The following NHLRC2 variants were observed in gnomAD, a reference collection of about 807,000 sequenced individuals.
NHLRC2 encodes the protein NHL repeat containing 2, also known as NHL repeat-containing protein 2.
Under a neutral mutation model 68.1 loss-of-function variants are expected in NHLRC2, and 33 were observed. The ratio of observed to expected loss-of-function variants is 0.48; its 90% CI spans 0.37 to 0.65. The LOEUF (loss-of-function observed/expected upper bound fraction) is 0.65, where lower values mean the gene tolerates loss of function less well. NHLRC2 is among the 30% of genes least tolerant of loss of function. NHLRC2 has a pLI of 0.00. For synonymous variants in NHLRC2, 311 were observed against 309.6 expected, an observed-to-expected ratio of 1.00 and a Z score of -0.05; for missense variants, 761 against 853.8, an observed-to-expected ratio of 0.89 and a Z score of 1.35.
intron 4 of NHLRC2, among the ~76,000 whole-genome samples, chr10:113,882,354 C>T (rs1012390056): frequency 2.6e-5 from 4 of 151,706 alleles, no homozygotes; most frequent in African/African-American, 4.8e-5. Flanking sequence ...ACATGTTCAC[C>T]GTCACTTGTT....
intron 3 of NHLRC2, 146 bp downstream of exon 3, chr10:113,877,122 GTTAA>G (rs1589539944): frequency 5.9e-6 from 3 of 508,978 alleles, no homozygotes; most frequent in South Asian, 7.1e-5. Context: ...AAAATTTTTT[GTTAA>G]TTAATATGAT....
Position 113,898,138 on chromosome 10 carries a change from A to C in NHLRC2, c.1068A>C (p.Leu356Phe). The C allele has an allele frequency of 6.2e-7, 1 of 1,612,262 alleles. No individual in the cohort carries two copies. Among genetic ancestry groups the C allele is most frequent in the Non-Finnish European group, 8.5e-7 (1 of 1,178,458 alleles). ...CAGAGGTCCAAAGAGGTGACATTTTATGGATAGCCATGGCAGGGACTCATC... is the reference window on the plus strand; with the variant it reads ...CAGAGGTCCAAAGAGGTGACATTTTCTGGATAGCCATGGCAGGGACTCATC... Reference protein sequence around the residue: ...SGSEVQRGDILWIAMAGTHQI... With the variant: ...SGSEVQRGDIFWIAMAGTHQI... The change falls in exon 6 of 11, where the codon TTA becomes TTC. Residue 356 changes from leucine (L) to phenylalanine (F), a missense_variant. Coordinates refer to ENST00000369301, the MANE Select transcript of NHLRC2 (RefSeq NM_198514.4).
At chr10:113,884,474 A>G in intron 5 of NHLRC2, 94 bp downstream of exon 5, 2 of 1,014,740 alleles carry the variant, frequency 2.0e-6, no homozygotes, top group Non-Finnish European at 2.9e-6. Context: ...TTCCATTACT[A>G]GTTATTTTAT....
chr10:113,855,559 C>A lies in NHLRC2; in HGVS notation c.178+509C>A, dbSNP rs571986890. On this transcript the variant is annotated intron_variant, in intron 1 of 10. Transcript: ENST00000369301. ...CTTGGCTCACTGCAACCTCCGCCTC[C>A]CAGGTTCAGGCGATTCACCTGCCTC... 7.9e-5 allele frequency among the ~76,000 whole-genome samples: 12 copies of A among 152,280 alleles called. No individual in the cohort carries two copies. In the South Asian group the frequency reaches 2.1e-3, roughly 26 times the overall value.
intron 1 of NHLRC2, among the ~76,000 whole-genome samples, chr10:113,856,999 A>T (rs1324227623): frequency 1.3e-5 from 2 of 152,208 alleles, no homozygotes; most frequent in Non-Finnish European, 2.9e-5. Context: ...CTTGACCTCA[A>T]AGCCTTATAT....
intron 1 of NHLRC2, among the ~76,000 whole-genome samples, chr10:113,855,305 T>C (rs759147824): frequency 1.1e-4 from 17 of 152,286 alleles, no homozygotes; most frequent in African/African-American, 3.6e-4. Context: ...GCGCCTGATA[T>C]TAGCCAAGTG....
rs1280817431 is a variant in NHLRC2 at position 113,909,945 on chromosome 10, A to G, written c.*1409A>G. The G allele has an allele frequency of 1.3e-5, 2 of 152,170 alleles. No individual in the cohort carries two copies. Among genetic ancestry groups the G allele is most frequent in the Non-Finnish European group, 2.9e-5 (2 of 68,012 alleles). The allele number at this position is 152,170 out of a possible 1,614,324, so 9.4% of individuals were successfully genotyped here. A position where few individuals can be genotyped will look rare whatever the true frequency, so the allele number is the denominator to read the frequency against. On this transcript the variant is annotated 3_prime_UTR_variant, in exon 11 of 11. Coordinates refer to ENST00000369301, the MANE Select transcript of NHLRC2 (RefSeq NM_198514.4). ...CTATTTTTAATTTTGTTTGAAATGT[A>G]GTATTAGTTTGTTTTATTCATAAGG...
chr10:113,878,550 T>A (rs1403250840), intron 3 of NHLRC2, among the ~76,000 whole-genome samples: 3 of 152,108 alleles, frequency 2.0e-5, no homozygotes, highest in Non-Finnish European at 4.4e-5. Flanking sequence ...TTTTTAAAGA[T>A]GGAGTCTCAC....
At chr10:113,877,758 A>T (rs1376774892) in intron 3 of NHLRC2, among the ~76,000 whole-genome samples, 1 of 152,160 alleles carries the variant, frequency 6.6e-6, no homozygotes, top group African/African-American at 2.4e-5. Context: ...TAAAGTAGAA[A>T]TGTCTGTGTT....
chr10:113,891,781 A>G (rs7924081), intron 5 of NHLRC2, among the ~76,000 whole-genome samples: 9,855 of 152,040 alleles, frequency 0.065, 1,022 homozygotes, highest in African/African-American at 0.22. Context: ...GTGTATGGGG[A>G]TGTTCTCTGT....
intron 2 of NHLRC2, among the ~76,000 whole-genome samples, chr10:113,866,722 A>G (rs1204622059): frequency 6.6e-6 from 1 of 151,904 alleles, no homozygotes; most frequent in African/African-American, 2.4e-5. Flanking sequence ...ATTGTTCTCA[A>G]ACCTCGCCTG....
chr10:113,865,015 T>A (rs982041264), intron 2 of NHLRC2, among the ~76,000 whole-genome samples: 1 of 151,364 alleles, frequency 6.6e-6, no homozygotes, highest in African/African-American at 2.4e-5. Context: ...AATGGCGCCA[T>A]CTCAGCTCAC....
chr10:113,901,308 T>C (rs773338164), intron 6 of NHLRC2, among the ~76,000 whole-genome samples: 4 of 152,314 alleles, frequency 2.6e-5, no homozygotes, highest in African/African-American at 9.6e-5. Flanking sequence ...TCATATTGCA[T>C]GAAACTAAGA....
In NHLRC2 at chr10:113,908,304, A is replaced by G; in HGVS notation, c.1949A>G (p.Gln650Arg). Residue 650 changes from glutamine to arginine, a missense_variant, in exon 11 of 11, where the codon CAG (glutamine) becomes CGG (arginine). Physicochemically the swap from Gln to Arg is conservative, Grantham distance 43. Transcript: ENST00000369301. ...GGCAATGAATGGCTACTTCAAGGAC[A>G]GATAGCAGCTGGAGATATAGAGAAC... is the stretch of plus-strand genomic sequence containing the variant. Reference protein sequence around the residue: ...AEGNEWLLQGQIAAGDIENIS... With the variant: ...AEGNEWLLQGRIAAGDIENIS... 9 of 1,613,528 alleles carry G rather than the reference A, an allele frequency of 5.6e-6. No individual in the cohort carries two copies. The highest frequency in any genetic ancestry group is 6.8e-6 in the Non-Finnish European group (8 of 1,179,412).
rs376969254 is a variant in NHLRC2, at chr10:113,904,097, TG to T, written c.1704+362del. Among the ~76,000 whole-genome samples the T allele has an allele frequency of 3.0e-3, 448 of 150,826 alleles. 2 individuals carry two copies. Among genetic ancestry groups the T allele is most frequent in the African/African-American group, 0.01 (420 of 41,186 alleles). On this transcript the variant is annotated intron_variant, in intron 9 of 10. Coordinates refer to ENST00000369301, the MANE Select transcript of NHLRC2 (RefSeq NM_198514.4). Reference sequence around the variant, plus strand: ...GTTGGGTTATTTAGCTTATTGTTTTTGTTTTTTTTTTTTTTTCAGTGATCTT... The same window carrying T: ...GTTGGGTTATTTAGCTTATTGTTTTTTTTTTTTTTTTTTTTCAGTGATCTT...
In NHLRC2 at chr10:113,904,860, TC is replaced by T; in HGVS notation, c.1750del (p.Leu584Ter). The stretch of plus-strand genomic sequence containing the variant: ...GAAAATGCTGTGGTAGATGGCCCGT[TC>T]CTAGTAGAAAAACAGAAGACATTAC... ...RSENAVVDGPFLVEKQKTLPK... is the reference protein window; with the variant it reads ...RSENAVVDGPXLVEKQKTLPK... On this transcript the variant is annotated frameshift_variant, in exon 10 of 11. Transcript: ENST00000369301. LOFTEE classifies it high-confidence loss of function. 4.3e-6 allele frequency: 7 copies of T among 1,613,578 alleles called. No individual in the cohort carries two copies. The highest frequency in any genetic ancestry group is 5.1e-6 in the Non-Finnish European group (6 of 1,179,796).
chr10:113,906,556 C>T (rs1846276761), intron 10 of NHLRC2, among the ~76,000 whole-genome samples: 1 of 149,366 alleles, frequency 6.7e-6, no homozygotes, highest in Admixed American at 6.7e-5. Flanking sequence ...AAAAAGGCAG[C>T]ATAAAAGCAC....
At chr10:113,855,871 C>G (rs1564848438) in intron 1 of NHLRC2, among the ~76,000 whole-genome samples, 1 of 152,178 alleles carries the variant, frequency 6.6e-6, no homozygotes, top group African/African-American at 2.4e-5. Flanking sequence ...TCAATTACCT[C>G]TATATCCCAG....
intron 2 of NHLRC2, among the ~76,000 whole-genome samples, chr10:113,875,469 T>A (rs1421790140): frequency 1.3e-5 from 2 of 152,176 alleles, no homozygotes; most frequent in Non-Finnish European, 2.9e-5. Context: ...GGGCTAGAGT[T>A]GCAGTGGGAT....
Sources: allele counts gnomAD v4.1 joint callset (sites outside exome capture counted in the v4.1 genomes callset), GRCh38; gene constraint gnomAD v4.1.1; transcripts MANE v1.5; gene names NCBI Gene and HGNC (gene_info 2026-07-23, HGNC 2026-07-21).